NSL1: variants seen among roughly 807,000 people sequenced by gnomAD.
NSL1 encodes the protein NSL1 component of MIS12 kinetochore complex, also known as kinetochore-associated protein NSL1 homolog.
In NSL1, 11 loss-of-function variants were observed where a neutral mutation model predicts 25.4. The ratio of observed to expected loss-of-function variants is 0.43; its 90% CI spans 0.27 to 0.72. The LOEUF (loss-of-function observed/expected upper bound fraction) is 0.72. NSL1 is among the 30% of genes least tolerant of loss of function. NSL1 has a pLI of 0.19. For synonymous variants in NSL1, 118 were observed against 120.6 expected, an observed-to-expected ratio of 0.98 and a Z score of 0.14; for missense variants, 330 against 342.7, an observed-to-expected ratio of 0.96 and a Z score of 0.29.
chr1:212,753,885 T>C (rs759235294), intron 4 of NSL1, among the ~76,000 whole-genome samples: 40 of 151,932 alleles, frequency 2.6e-4, no homozygotes, highest in Middle Eastern at 3.4e-3. Context: ...TTAATGAGGG[T>C]GGTTAGGTAA....
rs1446679188 is a variant in NSL1 at position 212,733,606 on chromosome 1, G to C, written c.*4802C>G. ...TACAAAATTCAGCAGTCTTTTGTGA[G>C]AGGCTTCTTTCACTTGGCATGTTTT... On this transcript the variant is annotated 3_prime_UTR_variant, in exon 6 of 6. Coordinates refer to ENST00000366977, the MANE Select transcript of NSL1 (RefSeq NM_015471.4). 6.6e-6 allele frequency among the ~76,000 whole-genome samples: 1 copy of C among 152,162 alleles called. No individual in the cohort carries two copies. The highest frequency in any genetic ancestry group is 1.5e-5 in the Non-Finnish European group (1 of 68,028).
rs1396543735 is a variant in NSL1 at position 212,731,266 on chromosome 1, C to T, written c.*7142G>A. ...AATAGTAAGTCTTATCTGAAATATA[C>T]TGTGATAGGCCAGGTGCAGTGGCTC... On this transcript the variant is annotated 3_prime_UTR_variant, in exon 6 of 6. Coordinates refer to ENST00000366977, the MANE Select transcript of NSL1 (RefSeq NM_015471.4). 2 of 984,786 alleles carry T rather than the reference C, an allele frequency of 2.0e-6. No individual in the cohort carries two copies. Among genetic ancestry groups the T allele is most frequent in the Non-Finnish European group, 2.4e-6 (2 of 829,846 alleles). 61.0% of individuals were successfully genotyped at this position (984,786 alleles called of 1,614,324 possible). A position where few individuals can be genotyped will look rare whatever the true frequency, so the allele number is the denominator to read the frequency against.
chr1:212,734,378 T>C lies in NSL1; in HGVS notation c.*4030A>G, dbSNP rs1338144179. 6.6e-6 allele frequency among the ~76,000 whole-genome samples: 1 copy of C among 152,202 alleles called. No homozygotes were observed. The highest frequency in any genetic ancestry group is 1.5e-5 in the Non-Finnish European group (1 of 68,028). On this transcript the variant is annotated 3_prime_UTR_variant, in exon 6 of 6. Transcript: ENST00000366977. ...CTGGAGACGCTCCTCAAATATTTGGTGAATCAGTTTTGTGCATTTTTAAAA... is the reference window on the plus strand; with the variant it reads ...CTGGAGACGCTCCTCAAATATTTGGCGAATCAGTTTTGTGCATTTTTAAAA...
chr1:212,771,716 T>C (rs1046472493), intron 4 of NSL1, among the ~76,000 whole-genome samples: 1 of 148,792 alleles, frequency 6.7e-6, no homozygotes, highest in Non-Finnish European at 1.5e-5. Flanking sequence ...ACACCAATAA[T>C]GAACTAGCTA....
intron 4 of NSL1, 69 bp downstream of exon 4, chr1:212,782,303 A>G: frequency 9.3e-7 from 1 of 1,070,334 alleles, no homozygotes; most frequent in African/African-American, 1.6e-5. Context: ...CCCTTTTAGA[A>G]GAATATCAGA....
rs1385923224 is a variant in NSL1 at position 212,731,123 on chromosome 1, A to G, written c.*7285T>C. 2.0e-6 allele frequency: 2 copies of G among 984,130 alleles called. No homozygotes were observed. Among genetic ancestry groups the G allele is most frequent in the Non-Finnish European group, 1.2e-6 (1 of 829,528 alleles). 61.0% of individuals were successfully genotyped at this position (984,130 alleles called of 1,614,324 possible). A position where few individuals can be genotyped will look rare whatever the true frequency, so the allele number is the denominator to read the frequency against. On this transcript the variant is annotated 3_prime_UTR_variant, in exon 6 of 6. Transcript: ENST00000366977. ...CCCCCTTCAGTGGTTCTCTAGAGAG[A>G]TATTTTTTTCTTCAGAGACTTTCAT...
intron 4 of NSL1, among the ~76,000 whole-genome samples, chr1:212,758,073 CT>C (rs1263709023): frequency 2.0e-5 from 3 of 152,124 alleles, no homozygotes; most frequent in Non-Finnish European, 2.9e-5. Flanking sequence ...AAACTTGTTT[CT>C]TATGCTTCTA....
intron 4 of NSL1, among the ~76,000 whole-genome samples, chr1:212,741,448 C>T (rs537179091): frequency 7.2e-5 from 11 of 152,260 alleles, no homozygotes; most frequent in Admixed American, 2.0e-4. Context: ...GATTGGATCA[C>T]GGGGCGATTT....
At position 212,732,050 on chromosome 1, in the gene NSL1, G is replaced by A; in HGVS notation, c.*6358C>T. On this transcript the variant is annotated 3_prime_UTR_variant, in exon 6 of 6. Coordinates refer to ENST00000366977, the MANE Select transcript of NSL1 (RefSeq NM_015471.4). ...CCAATTTTTTTTTTTTTTTTTTACT[G>A]AATTCAGATTCAGGGTTTTTATTAT... 1.1e-6 allele frequency: 1 copy of A among 930,716 alleles called. No individual in the cohort carries two copies. The highest frequency in any genetic ancestry group is 1.3e-6 in the Non-Finnish European group (1 of 795,388). 57.7% of individuals were successfully genotyped at this position (930,716 alleles called of 1,614,324 possible).
At position 212,737,637 on chromosome 1, in the gene NSL1, T is replaced by C; in HGVS notation, c.*771A>G. 4 of 947,204 alleles carry C rather than the reference T, an allele frequency of 4.2e-6. No homozygotes were observed. Among genetic ancestry groups the C allele is most frequent in the Non-Finnish European group, 5.0e-6 (4 of 795,010 alleles). The allele number at this position is 947,204 out of a possible 1,614,324, so 58.7% of individuals were successfully genotyped here. A position where few individuals can be genotyped will look rare whatever the true frequency, so the allele number is the denominator to read the frequency against. Reference sequence around the variant, plus strand: ...ACTTTGCCAGTGTATTAATCTGATATATATTTTGAACTGGAATGATTTGTA... The same window carrying C: ...ACTTTGCCAGTGTATTAATCTGATACATATTTTGAACTGGAATGATTTGTA... On this transcript the variant is annotated 3_prime_UTR_variant, in exon 6 of 6. Coordinates refer to ENST00000366977, the MANE Select transcript of NSL1 (RefSeq NM_015471.4).
At chr1:212,746,216 T>C (rs1658787176) in intron 4 of NSL1, among the ~76,000 whole-genome samples, 1 of 152,156 alleles carries the variant, frequency 6.6e-6, no homozygotes, top group African/African-American at 2.4e-5. Flanking sequence ...CAATTATAAA[T>C]CTACATTAAT....
In NSL1 at chr1:212,731,483, A is replaced by C. The variant is rs1658013958; in HGVS notation, c.*6925T>G. Reference sequence around the variant, plus strand: ...CCCTGAAAAACTGAAACCCCGAGAAAGGTTCTAGGGGATGATTTGTCTCTT... The same window carrying C: ...CCCTGAAAAACTGAAACCCCGAGAACGGTTCTAGGGGATGATTTGTCTCTT... On this transcript the variant is annotated 3_prime_UTR_variant, in exon 6 of 6. Transcript: ENST00000366977. 1.0e-6 allele frequency: 1 copy of C among 985,262 alleles called. No individual in the cohort carries two copies. 61.0% of individuals were successfully genotyped at this position (985,262 alleles called of 1,614,324 possible).
Position 212,729,352 on chromosome 1 carries a change from T to C in NSL1, c.*9056A>G, listed in dbSNP as rs1225195613. 5 of 981,880 alleles carry C rather than the reference T, an allele frequency of 5.1e-6. No individual in the cohort carries two copies. The East Asian group carries it at 4.5e-4, about 89-fold the overall frequency. The allele number at this position is 981,880 out of a possible 1,614,324, so 60.8% of individuals were successfully genotyped here. ...GCAAATTGCTTGTGGGCAGGGTCTG[T>C]GCCTTGGTTTACAGGTGTACATCCA... On this transcript the variant is annotated 3_prime_UTR_variant, in exon 6 of 6. Transcript: ENST00000366977.
intron 4 of NSL1, among the ~76,000 whole-genome samples, chr1:212,767,827 A>G (rs1464821037): frequency 6.6e-6 from 1 of 152,240 alleles, no homozygotes; most frequent in African/African-American, 2.4e-5. Flanking sequence ...AAAATGCTTA[A>G]CATCACTAAT....
At chr1:212,756,284 T>C (rs1022406411) in intron 4 of NSL1, among the ~76,000 whole-genome samples, 13 of 152,044 alleles carry the variant, frequency 8.6e-5, no homozygotes, top group Non-Finnish European at 1.9e-4. Flanking sequence ...CATGCTTGGC[T>C]AATTTTTGTA....
At position 212,735,102 on chromosome 1, in the gene NSL1, A is replaced by G. The variant is rs1294281104; in HGVS notation, c.*3306T>C. On this transcript the variant is annotated 3_prime_UTR_variant, in exon 6 of 6. Coordinates refer to ENST00000366977, the MANE Select transcript of NSL1 (RefSeq NM_015471.4). ...CATAGACAGGTTATGTAACTTGCCCAATGTCACTGAACTAATAATGGTAGA... is the reference window on the plus strand; with the variant it reads ...CATAGACAGGTTATGTAACTTGCCCGATGTCACTGAACTAATAATGGTAGA... Among the ~76,000 whole-genome samples the G allele has an allele frequency of 2.0e-5, 3 of 152,222 alleles. No individual in the cohort carries two copies. Among genetic ancestry groups the G allele is most frequent in the East Asian group, 1.9e-4 (1 of 5,202 alleles).
rs1184010766 is a variant in NSL1 at position 212,737,558 on chromosome 1, T to TA, written c.*849dup. ...TTTCTCAGACTTCTCCCAGTGATTA[T>TA]ATACCTGATATATAAACATCTTCAA... On this transcript the variant is annotated 3_prime_UTR_variant, in exon 6 of 6. Coordinates refer to ENST00000366977, the MANE Select transcript of NSL1 (RefSeq NM_015471.4). 1 of 975,700 alleles carries TA rather than the reference T, an allele frequency of 1.0e-6. No homozygotes were observed. Among genetic ancestry groups the TA allele is most frequent in the East Asian group, 1.1e-4 (1 of 8,800 alleles). 60.4% of individuals were successfully genotyped at this position (975,700 alleles called of 1,614,324 possible).
intron 4 of NSL1, chr1:212,782,026 A>C: frequency 1.8e-6 from 1 of 550,416 alleles, no homozygotes; most frequent in Non-Finnish European, 3.6e-6. Flanking sequence ...CTATGAGAGA[A>C]TGCTTTAATA....
intron 1 of NSL1, among the ~76,000 whole-genome samples, chr1:212,791,046 C>T (rs373001055): frequency 4.4e-4 from 67 of 152,260 alleles, no homozygotes; most frequent in African/African-American, 1.4e-3. Flanking sequence ...TCATTGTCTG[C>T]GGCTGCATTG....
Sources: gnomAD v4.1 joint callset for allele counts (sites outside exome capture counted in the v4.1 genomes callset) on GRCh38, gnomAD v4.1.1 for gene constraint, MANE v1.5 for transcripts, NCBI Gene and HGNC (gene_info 2026-07-23, HGNC 2026-07-21) for gene names.